Variants in ZNF510 observed in about 807,000 individuals in gnomAD.
The protein encoded by ZNF510 is zinc finger protein 510.
Under a neutral mutation model 18.1 loss-of-function variants are expected in ZNF510, and 15 were observed. The ratio of observed to expected loss-of-function variants is 0.83; its 90% CI spans 0.55 to 1.28. The LOEUF (loss-of-function observed/expected upper bound fraction) is 1.28, where lower values mean the gene tolerates loss of function less well. Among genes scored for constraint, ZNF510 ranks in the 50% most tolerant of loss-of-function variants. The pLI is 0.00. For synonymous variants in ZNF510, 261 were observed against 266.4 expected (o/e 0.98, Z 0.20); for missense variants, 724 against 791.8 (o/e 0.91, Z 1.03).
At position 96,776,080 on chromosome 9, in the gene ZNF510, G is replaced by C. The variant is rs767846791; in HGVS notation, c.-11C>G. 6.3e-7 allele frequency: 1 copy of C among 1,594,978 alleles called. No homozygotes were observed. ...TGGATGTGGCGACATCACCAAGTCT[G>C]GTGCTCTCTGGGCAAGGGGATGAAG... On this transcript the variant is annotated 5_prime_UTR_variant, in exon 2 of 6. Transcript: ENST00000223428.
At chr9:96,773,734 C>A (rs1849631663) in intron 3 of ZNF510, among the ~76,000 whole-genome samples, 1 of 152,166 alleles carries the variant, frequency 6.6e-6, no homozygotes, top group Admixed American at 6.5e-5. Context: ...CGCCACCACG[C>A]CCGGCTAATT....
chr9:96,765,760 C>T (rs1849454913), intron 3 of ZNF510, among the ~76,000 whole-genome samples: 1 of 152,150 alleles, frequency 6.6e-6, no homozygotes, highest in South Asian at 2.1e-4. Flanking sequence ...ATCCACCCAC[C>T]TCGGCCTCCC....
chr9:96,766,447 T>C (rs1428877982), intron 3 of ZNF510, among the ~76,000 whole-genome samples: 1 of 151,978 alleles, frequency 6.6e-6, no homozygotes, highest in Non-Finnish European at 1.5e-5. Flanking sequence ...GTATTATCTA[T>C]GGCTGCTTAA....
intron 3 of ZNF510, among the ~76,000 whole-genome samples, chr9:96,765,696 A>AGAGAT (rs1382816498): frequency 6.6e-6 from 1 of 152,054 alleles, no homozygotes; most frequent in Non-Finnish European, 1.5e-5. Context: ...TATTTTTAGT[A>AGAGAT]GAGATGGGGT....
In ZNF510 at chr9:96,759,146, G is replaced by A; in HGVS notation, c.1684C>T (p.His562Tyr). ...TTCTCTCCCGTGTGAGTTTTCTGATGTTGAATGAGATGATCTTTTCGCCAG... is the reference window on the plus strand; with the variant it reads ...TTCTCTCCCGTGTGAGTTTTCTGATATTGAATGAGATGATCTTTTCGCCAG... Reference protein sequence around the residue: ...SFWRKDHLIQHQKTHTGEKPF... With the variant: ...SFWRKDHLIQYQKTHTGEKPF... Residue 562 changes from histidine (H) to tyrosine (Y), a missense_variant, in exon 6 of 6, where the codon CAT (histidine) becomes TAT (tyrosine). Coordinates refer to ENST00000223428, the MANE Select transcript of ZNF510 (RefSeq NM_014930.3). 1 of 1,614,056 alleles carries A rather than the reference G, an allele frequency of 6.2e-7. No homozygotes were observed. Among genetic ancestry groups the A allele is most frequent in the Non-Finnish European group, 8.5e-7 (1 of 1,179,978 alleles).
rs377426198 is a variant in ZNF510 at position 96,759,167 on chromosome 9, G to A, written c.1663C>T (p.Arg555Ter). ...TGATGTTGAATGAGATGATCTTTTCGCCAGAAGGATTTTTCACATTCATTA... is the reference window on the plus strand; with the variant it reads ...TGATGTTGAATGAGATGATCTTTTCACCAGAAGGATTTTTCACATTCATTA... ...QCNECEKSFW[R>*]KDHLIQHQKT... is the part of the protein sequence containing the mutation. The change falls in exon 6 of 6, where the codon CGA (arginine) becomes TGA (stop). Residue 555 changes from arginine (R) to a stop codon, truncating the protein, a stop_gained. Coordinates refer to ENST00000223428, the MANE Select transcript of ZNF510 (RefSeq NM_014930.3). LOFTEE classifies it low-confidence loss of function (END_TRUNC). 2.0e-5 allele frequency: 32 copies of A among 1,613,664 alleles called. No homozygotes were observed. Among genetic ancestry groups the A allele is most frequent in the Non-Finnish European group, 2.5e-5 (29 of 1,179,966 alleles).
chr9:96,776,612 T>G (rs921938738), intron 1 of ZNF510, among the ~76,000 whole-genome samples: 1 of 152,072 alleles, frequency 6.6e-6, no homozygotes, highest in African/African-American at 2.4e-5. Flanking sequence ...CCACCTCTAC[T>G]AAAAATACAA....
chr9:96,768,035 A>G (rs1160422242), intron 3 of ZNF510, among the ~76,000 whole-genome samples: 2 of 152,246 alleles, frequency 1.3e-5, no homozygotes, highest in Non-Finnish European at 2.9e-5. Context: ...AGTACAATTT[A>G]TTTCCAGGAA....
At chr9:96,774,873 G>T in intron 2 of ZNF510, 27 bp from the exon 3 acceptor site, 1 of 1,607,198 alleles carries the variant, frequency 6.2e-7, no homozygotes, top group Non-Finnish European at 8.5e-7. Context: ...AGTCATGAGA[G>T]ATCTGGGCAG....
intron 3 of ZNF510, among the ~76,000 whole-genome samples, chr9:96,770,338 G>A (rs1300217672): frequency 2.0e-5 from 3 of 151,658 alleles, no homozygotes; most frequent in African/African-American, 4.8e-5. Flanking sequence ...ACCTGTAATC[G>A]CAGAACTTTG....
Position 96,760,703 on chromosome 9 carries a change from G to A in ZNF510, c.353-226C>T, listed in dbSNP as rs148782129. 9.8e-3 allele frequency among the ~76,000 whole-genome samples: 1,490 copies of A among 152,150 alleles called. 11 individuals carry two copies. Among genetic ancestry groups the A allele is most frequent in the Non-Finnish European group, 0.014 (935 of 67,972 alleles). On this transcript the variant is annotated intron_variant, in intron 5 of 5. Coordinates refer to ENST00000223428, the MANE Select transcript of ZNF510 (RefSeq NM_014930.3). ...CTGGTAATGAATACATATTTTGCAT[G>A]TGATTAGTAAGATTTTCCTAACTGG...
At chr9:96,762,931 A>G in intron 5 of ZNF510, 187 bp downstream of exon 5, 2 of 512,538 alleles carry the variant, frequency 3.9e-6, no homozygotes, top group East Asian at 3.5e-5. Flanking sequence ...CACCTTTTGA[A>G]TAATATATTA....
Position 96,758,612 on chromosome 9 carries a change from G to T in ZNF510, c.*166C>A. The T allele has an allele frequency of 2.9e-6, 2 of 678,446 alleles. No homozygotes were observed. Among genetic ancestry groups the T allele is most frequent in the Non-Finnish European group, 4.7e-6 (2 of 422,094 alleles). 42.0% of individuals were successfully genotyped at this position (678,446 alleles called of 1,614,324 possible). ...TTGCATTTTGGACACAATTCTTCCTGCATTCATCTTCATCTGGTTTCTTTC... is the reference window on the plus strand; with the variant it reads ...TTGCATTTTGGACACAATTCTTCCTTCATTCATCTTCATCTGGTTTCTTTC... On this transcript the variant is annotated 3_prime_UTR_variant, in exon 6 of 6. Transcript: ENST00000223428.
chr9:96,772,530 TA>T (rs1365104392), intron 3 of ZNF510, among the ~76,000 whole-genome samples: 1 of 152,022 alleles, frequency 6.6e-6, no homozygotes, highest in Non-Finnish European at 1.5e-5. Context: ...AATTCCTACT[TA>T]AAAAAAGCAA....
intron 3 of ZNF510, among the ~76,000 whole-genome samples, chr9:96,769,521 G>A (rs1306922163): frequency 6.6e-6 from 1 of 151,676 alleles, no homozygotes; most frequent in African/African-American, 2.4e-5. Context: ...GAAATCAGGA[G>A]TAAACCTTTA....
intron 1 of ZNF510, chr9:96,777,514 G>C (rs1849728292): frequency 1.3e-5 from 2 of 152,134 alleles, no homozygotes; most frequent in Non-Finnish European, 2.9e-5. Flanking sequence ...CAAATATAAC[G>C]GGAATCAACA....
chr9:96,764,368 T>C (rs1207188070), intron 3 of ZNF510, among the ~76,000 whole-genome samples: 1 of 152,178 alleles, frequency 6.6e-6, no homozygotes, highest in Non-Finnish European at 1.5e-5. Flanking sequence ...CCTAGGCTAA[T>C]CTTGAACTCC....
chr9:96,772,477 T>A (rs1382039842), intron 3 of ZNF510, among the ~76,000 whole-genome samples: 1 of 152,132 alleles, frequency 6.6e-6, no homozygotes, highest in Non-Finnish European at 1.5e-5. Context: ...AGAACATCAG[T>A]AATGCACACA....
In ZNF510 at chr9:96,763,603, T is replaced by G. The variant is rs1241397228; in HGVS notation, c.159A>C (p.Ile53=). ...GCTGCCACTCCTCCTGGGTGAATTCTATAGTCACGTCCTTGAATGACACTG... is the reference window on the plus strand; with the variant it reads ...GCTGCCACTCCTCCTGGGTGAATTCGATAGTCACGTCCTTGAATGACACTG... ...QASVSFKDVT[I]EFTQEEWQQM... is the part of the protein sequence containing the mutation. The change falls in exon 4 of 6, where the codon ATA becomes ATC. Residue 53 remains isoleucine, a synonymous_variant. Transcript: ENST00000223428. 1 of 1,613,392 alleles carries G rather than the reference T, an allele frequency of 6.2e-7. No homozygotes were observed. Among genetic ancestry groups the G allele is most frequent in the African/African-American group, 1.3e-5 (1 of 74,892 alleles).
Sources: allele counts gnomAD v4.1 joint callset (sites outside exome capture counted in the v4.1 genomes callset), GRCh38; gene constraint gnomAD v4.1.1; transcripts MANE v1.5; gene names NCBI Gene and HGNC (gene_info 2026-07-23, HGNC 2026-07-21).